Variants in ARL15 observed in about 807,000 individuals in gnomAD.
ARL15 encodes the protein ARF like GTPase 15, also known as ADP-ribosylation factor-like protein 15.
A neutral mutation model predicts 25.2 loss-of-function variants in ARL15; 19 were observed. The ratio of observed to expected loss-of-function variants is 0.75; its 90% confidence interval spans 0.53 to 1.10. The LOEUF (loss-of-function observed/expected upper bound fraction) is 1.10, where lower values mean the gene tolerates loss of function less well. Ranked by LOEUF, ARL15 falls within the 50% of genes least tolerant of loss-of-function variation. The pLI, the probability that ARL15 is intolerant of heterozygous loss-of-function variation, is 0.00. For synonymous variants in ARL15, 94 were observed against 86.8 expected (o/e 1.08, Z -0.46); for missense variants, 220 against 246.0 (o/e 0.89, Z 0.71).
intron 4 of ARL15, among the ~76,000 whole-genome samples, chr5:54,069,616 T>C (rs972520250): frequency 7.9e-5 from 10 of 127,268 alleles, no homozygotes; most frequent in African/African-American, 3.0e-4. Context: ...ATCCCAAATA[T>C]AACAGCATTA....
intron 3 of ARL15, among the ~76,000 whole-genome samples, chr5:54,114,419 A>AAAAAAAAAAAAAAAAC (rs1401189931): frequency 6.7e-6 from 1 of 150,032 alleles, no homozygotes; most frequent in Non-Finnish European, 1.5e-5. Context: ...AAAAAAAAAA[A>AAAAAAAAAAAAAAAAC]AAAGCAACAC....
At position 53,884,824 on chromosome 5, in the gene ARL15, A is replaced by G. The variant is rs920748588; in HGVS notation, c.*1737T>C. 6.6e-6 allele frequency: 1 copy of G among 152,630 alleles called. No homozygotes were observed. Among genetic ancestry groups the G allele is most frequent in the Non-Finnish European group, 1.5e-5 (1 of 68,046 alleles). The allele number at this position is 152,630 out of a possible 1,614,324, so 9.5% of individuals were successfully genotyped here. A position where few individuals can be genotyped will look rare whatever the true frequency, so the allele number is the denominator to read the frequency against. ...ATTTTTCATAGAAGATGAGCACAAC[A>G]GGACAAAATAAAAACAGGAATTGTG... On this transcript the variant is annotated 3_prime_UTR_variant, in exon 5 of 5. Coordinates refer to ENST00000504924, the MANE Select transcript of ARL15 (RefSeq NM_019087.3).
intron 3 of ARL15, among the ~76,000 whole-genome samples, chr5:54,143,759 A>G (rs1452225734): frequency 6.6e-6 from 1 of 152,054 alleles, no homozygotes; most frequent in East Asian, 1.9e-4. Flanking sequence ...TGCACTACAG[A>G]TAAAGCAAAA....
intron 4 of ARL15, among the ~76,000 whole-genome samples, chr5:53,904,939 GCTGGT>G (rs1745191611): frequency 6.6e-6 from 1 of 151,956 alleles, no homozygotes; most frequent in Non-Finnish European, 1.5e-5. Context: ...TGTTGGCCAG[GCTGGT>G]CTCGAACTCC....
chr5:54,126,419 A>C (rs763766171), intron 3 of ARL15, among the ~76,000 whole-genome samples: 1 of 152,230 alleles, frequency 6.6e-6, no homozygotes, highest in Non-Finnish European at 1.5e-5. Context: ...ATGAATCTTA[A>C]GTCATTCTTT....
At chr5:54,101,624 A>G (rs1752441224) in intron 4 of ARL15, among the ~76,000 whole-genome samples, 1 of 152,140 alleles carries the variant, frequency 6.6e-6, no homozygotes, top group Non-Finnish European at 1.5e-5. Context: ...AAAGAAAACA[A>G]GGAGCTTCTC....
chr5:54,167,081 T>C (rs377006120), intron 2 of ARL15, among the ~76,000 whole-genome samples: 1 of 152,198 alleles, frequency 6.6e-6, no homozygotes, highest in African/African-American at 2.4e-5. Context: ...TTGTGAGTTA[T>C]AAGTTTTTCA....
At chr5:54,189,729 G>A (rs1755341390) in intron 1 of ARL15, among the ~76,000 whole-genome samples, 1 of 152,012 alleles carries the variant, frequency 6.6e-6, no homozygotes, top group African/African-American at 2.4e-5. Flanking sequence ...AAAAAACACA[G>A]GGCAAATGCT....
intron 3 of ARL15, among the ~76,000 whole-genome samples, chr5:54,125,903 G>A (rs1452638790): frequency 2.0e-5 from 3 of 152,002 alleles, no homozygotes; most frequent in South Asian, 2.1e-4. Context: ...TCTGACTGGC[G>A]ACTCATGATT....
intron 2 of ARL15, among the ~76,000 whole-genome samples, chr5:54,156,660 T>C (rs897005699): frequency 3.9e-5 from 6 of 152,240 alleles, no homozygotes; most frequent in Non-Finnish European, 7.3e-5. Flanking sequence ...TGAAGTCTGC[T>C]GCACAGAAAG....
intron 4 of ARL15, among the ~76,000 whole-genome samples, chr5:54,033,435 C>T (rs1283850141): frequency 6.6e-6 from 1 of 150,720 alleles, no homozygotes; most frequent in African/African-American, 2.4e-5. Flanking sequence ...TTTGGGAGGC[C>T]GAGGCGGGTG....
intron 1 of ARL15, among the ~76,000 whole-genome samples, chr5:54,179,643 G>T (rs1045620324): frequency 1.3e-5 from 2 of 152,058 alleles, no homozygotes; most frequent in East Asian, 1.9e-4. Flanking sequence ...ATACCAAAGT[G>T]CTGCTGGCTT....
intron 1 of ARL15, among the ~76,000 whole-genome samples, chr5:54,267,634 C>A (rs1210436418): frequency 6.6e-6 from 1 of 151,508 alleles, no homozygotes; most frequent in Non-Finnish European, 1.5e-5. Context: ...AAAAACATTA[C>A]TTTTTTTAAA....
At chr5:54,062,724 G>A (rs1751107302) in intron 4 of ARL15, among the ~76,000 whole-genome samples, 1 of 152,040 alleles carries the variant, frequency 6.6e-6, no homozygotes, top group South Asian at 2.1e-4. Flanking sequence ...TATGAAAATG[G>A]ACTAATACAT....
At chr5:53,963,805 TCACACACACACACACACACA>T (rs60458728) in intron 4 of ARL15, among the ~76,000 whole-genome samples, 47 of 143,136 alleles carry the variant, frequency 3.3e-4, no homozygotes, top group Non-Finnish European at 5.4e-4. Flanking sequence ...TGAAACTCCA[TCACACACACACACACACACA>T]CACACACACA....
At chr5:54,039,128 C>G (rs543509515) in intron 4 of ARL15, among the ~76,000 whole-genome samples, 2 of 152,300 alleles carry the variant, frequency 1.3e-5, no homozygotes, top group Admixed American at 1.3e-4. Flanking sequence ...ATTCATATAT[C>G]TACCTACTCA....
chr5:54,262,112 G>T (rs1757510382), intron 1 of ARL15, among the ~76,000 whole-genome samples: 1 of 152,036 alleles, frequency 6.6e-6, no homozygotes, highest in Admixed American at 6.6e-5. Flanking sequence ...CATTTAAGAA[G>T]TCTATTTTCC....
At position 53,926,949 on chromosome 5, in the gene ARL15, TAAAAA is replaced by T. The variant is rs76965646; in HGVS notation, c.463-40241_463-40237del. ...CTTCAGTCACCAAGACCTTTTTTTT[TAAAAA>T]AAAAAAATAAAGTCCAAAAGCCTCT... is the stretch of plus-strand genomic sequence containing the variant. On this transcript the variant is annotated intron_variant, in intron 4 of 4. Transcript: ENST00000504924. Among the ~76,000 whole-genome samples, 739 of 136,202 alleles carry T rather than the reference TAAAAA, an allele frequency of 5.4e-3. 2 individuals carry two copies. Among genetic ancestry groups the T allele is most frequent in the Admixed American group, 9.8e-3 (133 of 13,508 alleles). The allele number at this position is 136,202 out of a possible 152,430, so 89.4% of individuals were successfully genotyped here. A position where few individuals can be genotyped will look rare whatever the true frequency, so the allele number is the denominator to read the frequency against.
chr5:54,186,163 C>T (rs3797261), intron 1 of ARL15, among the ~76,000 whole-genome samples: 17,959 of 152,164 alleles, frequency 0.12, 1,857 homozygotes, highest in African/African-American at 0.28. Context: ...CATAACAGAG[C>T]AGAAGTGTCC....
Sources: gnomAD v4.1 joint callset for allele counts (sites outside exome capture counted in the v4.1 genomes callset) on GRCh38, gnomAD v4.1.1 for gene constraint, MANE v1.5 for transcripts, NCBI Gene and HGNC (gene_info 2026-07-23, HGNC 2026-07-21) for gene names.